BCAS4: variants seen among roughly 807,000 people sequenced by gnomAD.
The protein encoded by BCAS4 is breast carcinoma amplified sequence 4.
BCAS4 carries 9 observed loss-of-function variants against 15.7 expected under a neutral mutation model. That is an observed-to-expected ratio of 0.57 (90% CI 0.34 to 1.00). The LOEUF (loss-of-function observed/expected upper bound fraction) is 1.00. Ranked by LOEUF, BCAS4 falls within the 50% of genes least tolerant of loss-of-function variation. The pLI is 0.02. For synonymous variants in BCAS4, 101 were observed against 99.5 expected (o/e 1.02, Z -0.09); for missense variants, 225 against 239.1 (o/e 0.94, Z 0.39).
chr20:50,821,427 C>G (rs1178296683), intron 2 of BCAS4, among the ~76,000 whole-genome samples: 2 of 152,216 alleles, frequency 1.3e-5, no homozygotes, highest in Admixed American at 6.5e-5. Context: ...ATCCTCTTGG[C>G]CCCTAGAGGT....
intron 3 of BCAS4, among the ~76,000 whole-genome samples, chr20:50,839,243 A>C (rs1248653381): frequency 6.6e-6 from 1 of 152,264 alleles, no homozygotes; most frequent in Non-Finnish European, 1.5e-5. Context: ...AGCCATGTAC[A>C]CACGTGCATA....
chr20:50,838,473 G>A (rs547643519), intron 3 of BCAS4, among the ~76,000 whole-genome samples: 1 of 152,316 alleles, frequency 6.6e-6, no homozygotes, highest in East Asian at 1.9e-4. Context: ...ACTTTGGGAG[G>A]CTGAGTCAGG....
chr20:50,829,838 A>C (rs868051003), intron 2 of BCAS4, among the ~76,000 whole-genome samples: 3 of 152,108 alleles, frequency 2.0e-5, no homozygotes, highest in Admixed American at 1.3e-4. Context: ...CATCTGATAC[A>C]TAAGAGTTGT....
intron 1 of BCAS4, among the ~76,000 whole-genome samples, chr20:50,808,439 C>T (rs929511064): frequency 1.3e-5 from 2 of 152,118 alleles, no homozygotes; most frequent in Admixed American, 6.5e-5. Flanking sequence ...AGTTTACATC[C>T]CCACTAACAG....
intron 3 of BCAS4, chr20:50,840,431 T>C: frequency 1.3e-6 from 1 of 740,988 alleles, no homozygotes; most frequent in Non-Finnish European, 2.4e-6. Context: ...GCCAGCCAGA[T>C]AGACAGATGG....
intron 1 of BCAS4, among the ~76,000 whole-genome samples, chr20:50,808,116 G>A (rs1238243099): frequency 6.6e-6 from 1 of 151,948 alleles, no homozygotes; most frequent in Non-Finnish European, 1.5e-5. Context: ...GTTTCACCAT[G>A]TTAGCCAGGA....
intron 2 of BCAS4, among the ~76,000 whole-genome samples, chr20:50,819,708 A>G (rs1244438701): frequency 6.6e-6 from 1 of 152,066 alleles, no homozygotes; most frequent in Non-Finnish European, 1.5e-5. Flanking sequence ...GGAGCTAGGT[A>G]ACAAGACAGG....
intron 1 of BCAS4, among the ~76,000 whole-genome samples, chr20:50,802,719 C>T (rs1042941689): frequency 6.6e-6 from 1 of 151,864 alleles, no homozygotes; most frequent in Non-Finnish European, 1.5e-5. Context: ...TAAAAAAATA[C>T]AAAAATTAGC....
At chr20:50,812,970 C>T (rs1034329164) in intron 1 of BCAS4, among the ~76,000 whole-genome samples, 1 of 152,090 alleles carries the variant, frequency 6.6e-6, no homozygotes, top group Non-Finnish European at 1.5e-5. Context: ...CACATGCCAC[C>T]ATGTCCGGCT....
At chr20:50,800,038 A>G in intron 1 of BCAS4, among the ~76,000 whole-genome samples, 1 of 152,170 alleles carries the variant, frequency 6.6e-6, no homozygotes, top group East Asian at 1.9e-4. Context: ...ACAGAGTGAG[A>G]CCTATCTCAA....
intron 1 of BCAS4, among the ~76,000 whole-genome samples, chr20:50,797,624 C>G (rs1299560957): frequency 2.0e-5 from 3 of 152,086 alleles, no homozygotes; most frequent in African/African-American, 7.2e-5. Context: ...AAACACTGTC[C>G]AATAGAAATA....
At chr20:50,805,966 G>T (rs2087984417) in intron 1 of BCAS4, among the ~76,000 whole-genome samples, 1 of 144,892 alleles carries the variant, frequency 6.9e-6, no homozygotes, top group Non-Finnish European at 1.5e-5. Flanking sequence ...GACAGAGCGA[G>T]ACTCCATCTC....
intron 4 of BCAS4, among the ~76,000 whole-genome samples, chr20:50,855,074 A>G (rs1178793911): frequency 6.6e-6 from 1 of 152,052 alleles, no homozygotes; most frequent in African/African-American, 2.4e-5. Context: ...ACCTGGGCAC[A>G]CCCGCCAGGG....
At chr20:50,814,773 G>A (rs1375694563) in intron 1 of BCAS4, among the ~76,000 whole-genome samples, 1 of 152,190 alleles carries the variant, frequency 6.6e-6, no homozygotes, top group Admixed American at 6.5e-5. Flanking sequence ...AGTAAATGAG[G>A]TAATTCAAAT....
chr20:50,808,925 C>T (rs577634520), intron 1 of BCAS4, among the ~76,000 whole-genome samples: 6 of 152,068 alleles, frequency 3.9e-5, no homozygotes, highest in African/African-American at 1.4e-4. Flanking sequence ...TCTCTAGAAG[C>T]GTTTTTCCAA....
chr20:50,857,303 G>C (rs1978815850), intron 4 of BCAS4, among the ~76,000 whole-genome samples: 1 of 152,022 alleles, frequency 6.6e-6, no homozygotes, highest in Admixed American at 6.5e-5. Context: ...GGCTAATTTT[G>C]TATTTTTAGT....
intron 4 of BCAS4, among the ~76,000 whole-genome samples, chr20:50,854,360 T>A (rs143365684): frequency 6.6e-6 from 1 of 152,280 alleles, no homozygotes; most frequent in East Asian, 1.9e-4. Flanking sequence ...AGTATTCTGA[T>A]GTGGGCGCTG....
At chr20:50,838,899 A>T (rs1172450602) in intron 3 of BCAS4, among the ~76,000 whole-genome samples, 1 of 152,102 alleles carries the variant, frequency 6.6e-6, no homozygotes, top group Non-Finnish European at 1.5e-5. Context: ...GCCACACCCC[A>T]TGGAGAAAGG....
intron 4 of BCAS4, among the ~76,000 whole-genome samples, chr20:50,857,385 C>T (rs1978820518): frequency 6.6e-6 from 1 of 152,234 alleles, no homozygotes; most frequent in South Asian, 2.1e-4. Flanking sequence ...CCTGCCTCAG[C>T]CTCCCAAAGT....
Sources: allele counts gnomAD v4.1 joint callset (sites outside exome capture counted in the v4.1 genomes callset), GRCh38; gene constraint gnomAD v4.1.1; transcripts MANE v1.5; gene names NCBI Gene and HGNC (gene_info 2026-07-23, HGNC 2026-07-21).